Variants in BRWD1 observed in about 807,000 individuals in gnomAD.
The protein encoded by BRWD1 is bromodomain and WD repeat domain containing 1, also known as bromodomain and WD repeat-containing protein 1.
In BRWD1, 82 loss-of-function variants were observed where a neutral mutation model predicts 251.2. The ratio of observed to expected loss-of-function variants is 0.33; its 90% CI spans 0.27 to 0.39. The LOEUF (loss-of-function observed/expected upper bound fraction) is 0.39, where lower values mean the gene tolerates loss of function less well. Among genes scored for constraint, BRWD1 ranks in the 10% least tolerant of loss-of-function variants. BRWD1 has a pLI of 1.00. For synonymous variants in BRWD1, 918 were observed against 902.8 expected (o/e 1.02, Z -0.30); for missense variants, 2,233 against 2,711.6 (o/e 0.82, Z 3.92).
intron 8 of BRWD1, 61 bp downstream of exon 8, chr21:39,293,750 C>T: frequency 7.6e-7 from 1 of 1,323,950 alleles, no homozygotes; most frequent in Non-Finnish European, 1.1e-6. Context: ...TCCAAAGAAA[C>T]TGTTTTAAAG....
rs1429950789 is a variant in BRWD1, at chr21:39,202,305, CAT to C, written c.4585+18_4585+19del. 6.4e-7 allele frequency: 1 copy of C among 1,566,138 alleles called. No homozygotes were observed. Among genetic ancestry groups the C allele is most frequent in the Non-Finnish European group, 8.8e-7 (1 of 1,141,646 alleles). The stretch of plus-strand genomic sequence containing the variant: ...ATTTGGGTGCTCAGCAAAGAAATAA[CAT>C]AGTATTTCACTTCTCACCAGATAAT... On this transcript the variant is annotated intron_variant, in intron 38 of 40. Transcript: ENST00000342449.
At chr21:39,281,629 A>T (rs1233809043) in intron 8 of BRWD1, among the ~76,000 whole-genome samples, 7 of 152,236 alleles carry the variant, frequency 4.6e-5, no homozygotes, top group Non-Finnish European at 8.8e-5. Context: ...CAGAAGTTTG[A>T]GGCCAGCCTG....
At chr21:39,294,910 TCTC>T (rs1397595353) in intron 7 of BRWD1, among the ~76,000 whole-genome samples, 1 of 152,116 alleles carries the variant, frequency 6.6e-6, no homozygotes, top group Non-Finnish European at 1.5e-5. Flanking sequence ...ACTTCTCACC[TCTC>T]CTAACTTACG....
At chr21:39,269,761 A>G (rs2146669766) in intron 15 of BRWD1, 138 bp downstream of exon 15, 1 of 614,372 alleles carries the variant, frequency 1.6e-6, no homozygotes, top group East Asian at 3.3e-5. Context: ...GCTGTCTAAT[A>G]TTTAGCAGGC....
intron 18 of BRWD1, 36 bp from the exon 19 acceptor site, chr21:39,255,864 C>T (rs1269874204): frequency 6.4e-7 from 1 of 1,573,412 alleles, no homozygotes; most frequent in African/African-American, 1.4e-5. Flanking sequence ...TTCCAATACA[C>T]TTTTAAACTA....
chr21:39,190,587 T>C lies in BRWD1; in HGVS notation c.*5672A>G. Reference sequence around the variant, plus strand: ...AAAAGACTTGAGATATTCTCTCCTCTGTCTGCCCTTCATTGATAAGCAATG... The same window carrying C: ...AAAAGACTTGAGATATTCTCTCCTCCGTCTGCCCTTCATTGATAAGCAATG... On this transcript the variant is annotated 3_prime_UTR_variant, in exon 41 of 41. Coordinates refer to ENST00000342449, the MANE Select transcript of BRWD1 (RefSeq NM_033656.4). The C allele has an allele frequency of 1.0e-6, 1 of 985,368 alleles. No individual in the cohort carries two copies. Among genetic ancestry groups the C allele is most frequent in the South Asian group, 4.7e-5 (1 of 21,290 alleles). 61.0% of individuals were successfully genotyped at this position (985,368 alleles called of 1,614,324 possible). A position where few individuals can be genotyped will look rare whatever the true frequency, so the allele number is the denominator to read the frequency against.
intron 34 of BRWD1, among the ~76,000 whole-genome samples, chr21:39,211,289 T>C (rs914291700): frequency 6.6e-6 from 1 of 152,218 alleles, no homozygotes; most frequent in East Asian, 1.9e-4. Context: ...CCACCAAAGA[T>C]GTCCACATCA....
rs1268676249 is a variant in BRWD1 at position 39,195,237 on chromosome 21, AT to A, written c.*1021del. On this transcript the variant is annotated 3_prime_UTR_variant, in exon 41 of 41. Transcript: ENST00000342449. ...AAGAGATGGAGAATGACATTTAGCT[AT>A]TTTCCTATATAGATAAGATTTGCAA... The A allele has an allele frequency of 1.9e-6, 2 of 1,030,020 alleles. No homozygotes were observed. The highest frequency in any genetic ancestry group is 2.3e-6 in the Non-Finnish European group (2 of 858,162). The allele number at this position is 1,030,020 out of a possible 1,614,324, so 63.8% of individuals were successfully genotyped here.
At chr21:39,244,625 C>T (rs1008998802) in intron 21 of BRWD1, among the ~76,000 whole-genome samples, 1 of 152,066 alleles carries the variant, frequency 6.6e-6, no homozygotes, top group Admixed American at 6.6e-5. Context: ...TGTATTTCCA[C>T]ATCAATAATG....
chr21:39,236,242 T>A (rs1388923186), intron 23 of BRWD1, among the ~76,000 whole-genome samples: 1 of 151,860 alleles, frequency 6.6e-6, no homozygotes, highest in African/African-American at 2.4e-5. Context: ...GCCTCCCCCA[T>A]AAGTCCCACT....
At chr21:39,259,694 G>A (rs763665961) in intron 17 of BRWD1, among the ~76,000 whole-genome samples, 3 of 152,018 alleles carry the variant, frequency 2.0e-5, no homozygotes, top group East Asian at 1.9e-4. Context: ...AAAATTAGCC[G>A]GGCCTGGTGG....
intron 8 of BRWD1, among the ~76,000 whole-genome samples, chr21:39,292,122 T>TGGGGG (rs1336734101): frequency 2.3e-3 from 5 of 2,184 alleles, no homozygotes; most frequent in Admixed American, 6.2e-3. Flanking sequence ...TTGTGGGGGG[T>TGGGGG]GGGTGGGGGT....
At position 39,192,611 on chromosome 21, in the gene BRWD1, G is replaced by C; in HGVS notation, c.*3648C>G. 1.0e-6 allele frequency: 1 copy of C among 984,080 alleles called. No individual in the cohort carries two copies. Among genetic ancestry groups the C allele is most frequent in the Non-Finnish European group, 1.2e-6 (1 of 828,816 alleles). The allele number at this position is 984,080 out of a possible 1,614,324, so 61.0% of individuals were successfully genotyped here. The stretch of plus-strand genomic sequence containing the variant: ...CTACAGTATTTGGTGACAACTGCAA[G>C]ATACCTGATAAATAAATATATCAAC... On this transcript the variant is annotated 3_prime_UTR_variant, in exon 41 of 41. Coordinates refer to ENST00000342449, the MANE Select transcript of BRWD1 (RefSeq NM_033656.4).
chr21:39,298,439 T>C lies in BRWD1; in HGVS notation c.342A>G (p.Thr114=), dbSNP rs2036017015. The change falls in exon 5 of 41, where the codon ACA becomes ACG. Residue 114 remains threonine, a synonymous_variant. Transcript: ENST00000342449. Reference sequence around the variant, plus strand: ...TTCTTCAAATTAAGGTACCTTTTGCTGTACGTAGCAAAGACTGCCTTCCTG... The same window carrying C: ...TTCTTCAAATTAAGGTACCTTTTGCCGTACGTAGCAAAGACTGCCTTCCTG... The part of the protein sequence containing the change: ...LGAGRQSLLR[T]AKDCRHTVWK... 1 of 1,585,138 alleles carries C rather than the reference T, an allele frequency of 6.3e-7. No homozygotes were observed. The highest frequency in any genetic ancestry group is 8.5e-7 in the Non-Finnish European group (1 of 1,170,566).
rs1307643838 is a variant in BRWD1, at chr21:39,186,631, G to A, written c.*9628C>T. ...TGGTCTGAATTTTTACACTGTAATG[G>A]AGAACCCTGAAAATTAGCATCAGGT... is the stretch of plus-strand genomic sequence containing the variant. On this transcript the variant is annotated 3_prime_UTR_variant, in exon 41 of 41. Transcript: ENST00000342449. 3 of 155,082 alleles carry A rather than the reference G, an allele frequency of 1.9e-5. No individual in the cohort carries two copies. The highest frequency in any genetic ancestry group is 7.2e-5 in the African/African-American group (3 of 41,514). 9.6% of individuals were successfully genotyped at this position (155,082 alleles called of 1,614,324 possible).
intron 19 of BRWD1, among the ~76,000 whole-genome samples, chr21:39,252,982 G>A (rs1410928237): frequency 6.6e-6 from 1 of 152,196 alleles, no homozygotes; most frequent in Non-Finnish European, 1.5e-5. Flanking sequence ...CTTGGACTAT[G>A]CGGTGACCTT....
intron 21 of BRWD1, among the ~76,000 whole-genome samples, chr21:39,240,775 T>C: frequency 6.6e-6 from 1 of 152,190 alleles, no homozygotes; most frequent in South Asian, 2.1e-4. Context: ...CTGTATTTTG[T>C]ATAAGAAGGA....
intron 7 of BRWD1, among the ~76,000 whole-genome samples, chr21:39,294,735 C>T (rs1049380055): frequency 6.6e-6 from 1 of 151,632 alleles, no homozygotes; most frequent in African/African-American, 2.4e-5. Flanking sequence ...ATCTATACTT[C>T]ATAGTGTGAG....
chr21:39,222,120 A>ACCTG (rs1182604990), intron 29 of BRWD1, among the ~76,000 whole-genome samples: 3 of 152,120 alleles, frequency 2.0e-5, no homozygotes, highest in Non-Finnish European at 4.4e-5. Flanking sequence ...AAAATGGTAT[A>ACCTG]CCTGCTCCAA....
Sources: gnomAD v4.1 joint callset for allele counts (sites outside exome capture counted in the v4.1 genomes callset) on GRCh38, gnomAD v4.1.1 for gene constraint, MANE v1.5 for transcripts, NCBI Gene and HGNC (gene_info 2026-07-23, HGNC 2026-07-21) for gene names.